KIF6: variants seen among roughly 807,000 people sequenced by gnomAD.
KIF6 encodes kinesin-like protein KIF6.
A neutral mutation model predicts 112.7 loss-of-function variants in KIF6; 106 were observed. That is an observed-to-expected ratio of 0.94 (90% CI 0.80 to 1.11). The LOEUF is 1.11. Ranked by LOEUF, KIF6 falls within the 50% of genes least tolerant of loss-of-function variation. KIF6 has a pLI of 0.00. For missense variants in KIF6, 929 were observed against 964.0 expected (o/e 0.96, Z 0.48); for synonymous variants, 339 against 339.9 (o/e 1.00, Z 0.03).
In KIF6 at chr6:39,343,611, G is replaced by A; in HGVS notation, c.2428+98C>T. The A allele has an allele frequency of 8.7e-7, 1 of 1,153,988 alleles. No homozygotes were observed. The highest frequency in any genetic ancestry group is 1.2e-6 in the Non-Finnish European group (1 of 814,894). 71.5% of individuals were successfully genotyped at this position (1,153,988 alleles called of 1,614,324 possible). On this transcript the variant is annotated intron_variant, in intron 22 of 22. Transcript: ENST00000287152. The surrounding 1 kb of genome is among the most constrained non-coding windows in gnomAD (Gnocchi z 4.1). ...GCCAGTCCTGTGGCTTCAGGAATAT[G>A]CAGGAAACTCCCTACTCCCCTCCCA...
At chr6:39,369,814 C>G (rs1327548444) in intron 16 of KIF6, among the ~76,000 whole-genome samples, 2 of 152,166 alleles carry the variant, frequency 1.3e-5, no homozygotes, top group Non-Finnish European at 2.9e-5. Flanking sequence ...TCATGGTCAC[C>G]TCTGTTCAAA....
At chr6:39,606,158 C>T (rs1007700886) in intron 6 of KIF6, among the ~76,000 whole-genome samples, 1 of 151,696 alleles carries the variant, frequency 6.6e-6, no homozygotes, top group Non-Finnish European at 1.5e-5. Context: ...TTCTCTTCCT[C>T]TTCTTCTTCT....
chr6:39,678,462 G>A (rs997719273), intron 3 of KIF6, among the ~76,000 whole-genome samples: 1 of 152,154 alleles, frequency 6.6e-6, no homozygotes, highest in African/African-American at 2.4e-5. Flanking sequence ...TAAAATACAG[G>A]CCAGGCTTTT....
Position 39,596,094 on chromosome 6 carries a change from T to C in KIF6, c.806A>G (p.Glu269Gly). Reference sequence around the variant, plus strand: ...TAGTGACAAGTTGATATACTTGGCCTCTGTTAGAAGATGGCCCCCTACTCC... The same window carrying C: ...TAGTGACAAGTTGATATACTTGGCCCCTGTTAGAAGATGGCCCCCTACTCC... ...KTGVGGHLLTEAKYINLSLHY... is the reference protein window; with the variant it reads ...KTGVGGHLLTGAKYINLSLHY... The change falls in exon 7 of 23, where the codon GAG becomes GGG. Residue 269 changes from glutamate to glycine, a missense_variant. This residue lies in a region of KIF6 where 688 missense variants were observed against 662.7 expected (regional missense o/e 1.04). Coordinates refer to ENST00000287152, the MANE Select transcript of KIF6 (RefSeq NM_145027.6). 1 of 1,614,030 alleles carries C rather than the reference T, an allele frequency of 6.2e-7. No individual in the cohort carries two copies.
intron 3 of KIF6, among the ~76,000 whole-genome samples, chr6:39,651,118 G>T (rs1367472046): frequency 6.6e-6 from 1 of 152,050 alleles, no homozygotes; most frequent in Non-Finnish European, 1.5e-5. Flanking sequence ...TGGAGAGATA[G>T]AAAGCATTTA....
chr6:39,541,389 T>C (rs1017283303), intron 12 of KIF6, among the ~76,000 whole-genome samples: 1 of 152,222 alleles, frequency 6.6e-6, no homozygotes, highest in African/African-American at 2.4e-5. Flanking sequence ...AGCATTAACA[T>C]GACAGAGAAG....
intron 13 of KIF6, among the ~76,000 whole-genome samples, chr6:39,484,349 AAGG>A (rs1237805504): frequency 3.9e-5 from 6 of 152,216 alleles, no homozygotes; most frequent in African/African-American, 1.2e-4. Flanking sequence ...TTCCACATTC[AAGG>A]AGATTACAGT....
Position 39,697,613 on chromosome 6 carries a change from A to G in KIF6, c.251+17079T>C, listed in dbSNP as rs1421679910. Among the ~76,000 whole-genome samples, 16 of 148,568 alleles carry G rather than the reference A, an allele frequency of 1.1e-4. No homozygotes were observed. In the East Asian group the frequency reaches 2.0e-3, roughly 18 times the overall value. On this transcript the variant is annotated intron_variant, in intron 3 of 22. Transcript: ENST00000287152. The stretch of plus-strand genomic sequence containing the variant: ...GCTGCAGTGCAGTGGCATGATCTCC[A>G]CTCACTGTGACCTCCGCCTCCCAGG...
chr6:39,591,776 G>A (rs1781965185), intron 7 of KIF6, among the ~76,000 whole-genome samples: 2 of 152,124 alleles, frequency 1.3e-5, no homozygotes, highest in Non-Finnish European at 2.9e-5. Flanking sequence ...TTGGGCAGGA[G>A]CCAAATGATC....
At chr6:39,460,073 A>G (rs1371916495) in intron 13 of KIF6, among the ~76,000 whole-genome samples, 2 of 149,598 alleles carry the variant, frequency 1.3e-5, no homozygotes. Context: ...ACACATGCAC[A>G]CGTATGTTTA....
At chr6:39,347,833 T>C (rs1442484243) in intron 19 of KIF6, among the ~76,000 whole-genome samples, 2 of 152,212 alleles carry the variant, frequency 1.3e-5, no homozygotes, top group East Asian at 1.9e-4. Flanking sequence ...GCTGCTTCCA[T>C]AGGTCACGAC....
At chr6:39,550,260 A>G (rs61015832) in intron 10 of KIF6, among the ~76,000 whole-genome samples, 1,812 of 152,338 alleles carry the variant, frequency 0.012, 39 homozygotes, top group African/African-American at 0.041. Flanking sequence ...GCTAGAAACC[A>G]TATCTCTATG....
At chr6:39,446,262 T>G (rs1772306758) in intron 13 of KIF6, among the ~76,000 whole-genome samples, 3 of 152,212 alleles carry the variant, frequency 2.0e-5, no homozygotes, top group Admixed American at 2.0e-4. Flanking sequence ...GAGTGGGCAG[T>G]ACCTTGTGCA....
intron 3 of KIF6, among the ~76,000 whole-genome samples, chr6:39,684,105 G>A (rs984226941): frequency 9.2e-5 from 14 of 152,190 alleles, no homozygotes; most frequent in Non-Finnish European, 1.8e-4. Context: ...TTCAATCTAG[G>A]GGTATGGTAG....
At chr6:39,462,613 T>C (rs1773547155) in intron 13 of KIF6, among the ~76,000 whole-genome samples, 1 of 152,116 alleles carries the variant, frequency 6.6e-6, no homozygotes, top group Admixed American at 6.5e-5. Flanking sequence ...AGGTATTTAC[T>C]GAAGAATAAT....
intron 13 of KIF6, among the ~76,000 whole-genome samples, chr6:39,468,029 A>G (rs1157860101): frequency 3.9e-5 from 6 of 152,208 alleles, no homozygotes; most frequent in African/African-American, 1.4e-4. Flanking sequence ...AATTATTTTT[A>G]AAAACCAAAT....
intron 14 of KIF6, among the ~76,000 whole-genome samples, chr6:39,429,360 C>A (rs537009680): frequency 1.1e-4 from 17 of 152,158 alleles, no homozygotes; most frequent in African/African-American, 7.2e-5. Context: ...TTTTCTCTCT[C>A]TTCTTCTCAG....
At chr6:39,547,991 C>G (rs1015934303) in intron 10 of KIF6, among the ~76,000 whole-genome samples, 1 of 152,108 alleles carries the variant, frequency 6.6e-6, no homozygotes, top group African/African-American at 2.4e-5. Flanking sequence ...GAATACATAG[C>G]AGAAATTTTG....
intron 10 of KIF6, among the ~76,000 whole-genome samples, chr6:39,573,182 C>T (rs558678574): frequency 6.6e-6 from 1 of 152,048 alleles, no homozygotes; most frequent in Admixed American, 6.5e-5. Context: ...GGGACACATA[C>T]TCTCTCAGTA....
Sources: gnomAD v4.1 joint callset for allele counts (sites outside exome capture counted in the v4.1 genomes callset) on GRCh38, gnomAD v4.1.1 for gene constraint, gnomAD v4.1.1 regional missense constraint, Gnocchi (gnomAD v3.1) non-coding constraint, MANE v1.5 for transcripts, NCBI Gene and HGNC (gene_info 2026-07-23, HGNC 2026-07-21) for gene names.